The following KDM5A variants were observed in gnomAD, a reference collection of about 807,000 sequenced individuals.
KDM5A encodes the protein lysine-specific demethylase 5A.
Under a neutral mutation model 193.5 loss-of-function variants are expected in KDM5A, and 42 were observed. That is an observed-to-expected ratio of 0.22 (90% CI 0.17 to 0.28). The LOEUF (loss-of-function observed/expected upper bound fraction) is 0.28, where lower values mean the gene tolerates loss of function less well. Ranked by LOEUF, KDM5A falls within the 10% of genes least tolerant of loss-of-function variation. The pLI, the probability that KDM5A is intolerant of heterozygous loss-of-function variation, is 1.00. For synonymous variants in KDM5A, 796 were observed against 718.1 expected (o/e 1.11, Z -1.73); for missense variants, 1,692 against 2,055.1 (o/e 0.82, Z 3.42).
intron 16 of KDM5A, 76 bp from the exon 17 acceptor site, chr12:322,643 C>T (rs1454781404): frequency 3.2e-6 from 4 of 1,257,542 alleles, no homozygotes; most frequent in Non-Finnish European, 4.6e-6. Flanking sequence ...TCACCAACCT[C>T]ACTCAAGTGA....
chr12:298,943 G>C (rs1051623814), intron 24 of KDM5A, among the ~76,000 whole-genome samples: 2 of 151,652 alleles, frequency 1.3e-5, no homozygotes, highest in Non-Finnish European at 2.9e-5. Flanking sequence ...GCAGAAGAAA[G>C]GATATCAGAG....
chr12:345,615 A>G (rs988627503), intron 10 of KDM5A, among the ~76,000 whole-genome samples: 2 of 152,178 alleles, frequency 1.3e-5, no homozygotes, highest in African/African-American at 2.4e-5. Flanking sequence ...AGAAACTCAA[A>G]TCAAAACCGC....
At chr12:375,307 T>G (rs1387862369) in intron 3 of KDM5A, among the ~76,000 whole-genome samples, 1 of 152,128 alleles carries the variant, frequency 6.6e-6, no homozygotes, top group East Asian at 1.9e-4. Context: ...CTCTTCTCAC[T>G]TCATTTCATT....
chr12:384,081 T>G lies in KDM5A; in HGVS notation c.316A>C (p.Lys106Gln). The change falls in exon 3 of 28, where the codon AAG becomes CAG. Residue 106 changes from lysine to glutamine, a missense_variant. Lys to Gln is a moderately conservative substitution (Grantham distance 53, BLOSUM62 1). Transcript: ENST00000399788. ...ATTTTTCTCTCTACCACAGGGATCT[T>G]CAGAGTAGATCCTTGAAGTTCCCAA... ...KFWELQGSTL[K>Q]IPVVERKILD... 1 of 1,611,568 alleles carries G rather than the reference T, an allele frequency of 6.2e-7. No homozygotes were observed. The highest frequency in any genetic ancestry group is 8.5e-7 in the Non-Finnish European group (1 of 1,177,646).
At chr12:288,257 C>T (rs1301505684) in intron 27 of KDM5A, among the ~76,000 whole-genome samples, 1 of 152,180 alleles carries the variant, frequency 6.6e-6, no homozygotes, top group African/African-American at 2.4e-5. Context: ...ATCCTGAAAA[C>T]TCAAGAACAC....
chr12:311,268 C>A, intron 20 of KDM5A: 2 of 588,242 alleles, frequency 3.4e-6, no homozygotes, highest in Non-Finnish European at 6.0e-6. Flanking sequence ...AACATGTCAT[C>A]AATGATTTTA....
rs1943148301 is a variant in KDM5A, at chr12:280,880, T to G, written c.*4576A>C. ...AATGATAATAGGCTAATCACACCACTGATCAAATTATTTTGGCTCAGTTCT... is the reference window on the plus strand; with the variant it reads ...AATGATAATAGGCTAATCACACCACGGATCAAATTATTTTGGCTCAGTTCT... On this transcript the variant is annotated 3_prime_UTR_variant, in exon 28 of 28. Transcript: ENST00000399788. The G allele has an allele frequency of 4.3e-6, 1 of 232,902 alleles. No individual in the cohort carries two copies. Among genetic ancestry groups the G allele is most frequent in the Non-Finnish European group, 8.5e-6 (1 of 117,902 alleles). 14.4% of individuals were successfully genotyped at this position (232,902 alleles called of 1,614,324 possible).
At chr12:364,348 T>C (rs1199912041) in intron 4 of KDM5A, among the ~76,000 whole-genome samples, 1 of 152,022 alleles carries the variant, frequency 6.6e-6, no homozygotes, top group Admixed American at 6.6e-5. Flanking sequence ...GGCATGCACC[T>C]GTAGTCTCAA....
chr12:312,362 G>A (rs901494864), intron 20 of KDM5A, among the ~76,000 whole-genome samples: 4 of 152,052 alleles, frequency 2.6e-5, no homozygotes, highest in Non-Finnish European at 5.9e-5. Context: ...ATCTAGAATA[G>A]TAGCAAGAGT....
rs181740345 is a variant in KDM5A, at chr12:366,992, T to G, written c.367-888A>C. On this transcript the variant is annotated intron_variant, in intron 3 of 27. Coordinates refer to ENST00000399788, the MANE Select transcript of KDM5A (RefSeq NM_001042603.3). ...TACAGTATTCAGTAGAGTAACAGGC[T>G]GTACACCTTTAGGTCTAGGAGCAAC... 1.1e-4 allele frequency among the ~76,000 whole-genome samples: 17 copies of G among 152,358 alleles called. No individual in the cohort carries two copies. The East Asian group carries it at 2.9e-3, about 26-fold the overall frequency.
At chr12:375,491 G>C (rs1013474297) in intron 3 of KDM5A, among the ~76,000 whole-genome samples, 4 of 152,142 alleles carry the variant, frequency 2.6e-5, no homozygotes, top group African/African-American at 9.7e-5. Context: ...CTTTTTACAA[G>C]GTTTTTAGCT....
At chr12:357,701 G>A (rs1021714962) in intron 5 of KDM5A, among the ~76,000 whole-genome samples, 12 of 151,100 alleles carry the variant, frequency 7.9e-5, no homozygotes, top group African/African-American at 2.0e-4. Context: ...GGTGGCGCAC[G>A]CCTATAGTCC....
At chr12:351,941 T>G (rs1944165009) in intron 9 of KDM5A, among the ~76,000 whole-genome samples, 1 of 151,580 alleles carries the variant, frequency 6.6e-6, no homozygotes, top group Non-Finnish European at 1.5e-5. Flanking sequence ...CCATCTCTAC[T>G]AAAAACACAA....
At chr12:377,877 AG>A (rs1424741734) in intron 3 of KDM5A, among the ~76,000 whole-genome samples, 1 of 152,252 alleles carries the variant, frequency 6.6e-6, no homozygotes, top group Non-Finnish European at 1.5e-5. Flanking sequence ...AAAAGAATCC[AG>A]GAAGAATGGC....
In KDM5A at chr12:302,790, C is replaced by T. The variant is rs576248870; in HGVS notation, c.4074+4156G>A. 2.6e-5 allele frequency among the ~76,000 whole-genome samples: 4 copies of T among 152,304 alleles called. No homozygotes were observed. The South Asian group carries it at 8.3e-4, about 32-fold the overall frequency. Reference sequence around the variant, plus strand: ...TATCCATCTGACAAAGGGCTAATATCCAGAATCTACAAAGAACTTAAACAA... The same window carrying T: ...TATCCATCTGACAAAGGGCTAATATTCAGAATCTACAAAGAACTTAAACAA... On this transcript the variant is annotated intron_variant, in intron 24 of 27. Transcript: ENST00000399788.
chr12:351,891 G>T (rs182737217), intron 9 of KDM5A, among the ~76,000 whole-genome samples: 1 of 152,062 alleles, frequency 6.6e-6, no homozygotes, highest in Admixed American at 6.6e-5. Flanking sequence ...ATAACCTGAG[G>T]TCAGGAGTTC....
At position 309,857 on chromosome 12, in the gene KDM5A, C is replaced by T. The variant is rs748692866; in HGVS notation, c.3324G>A (p.Glu1108=). The T allele has an allele frequency of 6.2e-7, 1 of 1,613,976 alleles. No homozygotes were observed. The highest frequency in any genetic ancestry group is 8.5e-7 in the Non-Finnish European group (1 of 1,179,990). ...EKEKEKDLDL[E]PLSDLEEGLE... is the part of the protein sequence containing the mutation. ...ATCCTTCCTCCAGATCACTCAGAGG[C>T]TCCAGGTCCAGATCCTTTTCTTTTT... is the stretch of plus-strand genomic sequence containing the variant. Residue 1108 remains glutamate, a synonymous_variant, in exon 22 of 28, where the codon GAG becomes GAA. Transcript: ENST00000399788.
In KDM5A at chr12:363,754, T is replaced by C. The variant is rs75605090; in HGVS notation, c.538-657A>G. Among the ~76,000 whole-genome samples the C allele has an allele frequency of 4.4e-3, 675 of 151,762 alleles. 6 individuals carry two copies. Among genetic ancestry groups the C allele is most frequent in the Non-Finnish European group, 6.6e-3 (447 of 67,920 alleles). On this transcript the variant is annotated intron_variant, in intron 4 of 27. Transcript: ENST00000399788. ...AATATGACACCAAAAGCACAATCCA[T>C]AGAAGGAAAAAAGAAATAAAAAAAT... is the stretch of plus-strand genomic sequence containing the variant.
At chr12:370,343 G>T (rs775655094) in intron 3 of KDM5A, among the ~76,000 whole-genome samples, 1 of 152,122 alleles carries the variant, frequency 6.6e-6, no homozygotes, top group Non-Finnish European at 1.5e-5. Context: ...CAGGGAGCTG[G>T]TTTCATGCCA....
Sources: allele counts gnomAD v4.1 joint callset (sites outside exome capture counted in the v4.1 genomes callset), GRCh38; gene constraint gnomAD v4.1.1; transcripts MANE v1.5; gene names NCBI Gene and HGNC (gene_info 2026-07-23, HGNC 2026-07-21).